ADARB1: variants seen among roughly 807,000 people sequenced by gnomAD.
ADARB1 encodes double-stranded RNA-specific editase 1.
Under a neutral mutation model 52.4 loss-of-function variants are expected in ADARB1, and 10 were observed. That is an observed-to-expected ratio of 0.19 (90% confidence interval 0.12 to 0.32). The LOEUF (loss-of-function observed/expected upper bound fraction) is 0.32, where lower values mean the gene tolerates loss of function less well. ADARB1 is among the 10% of genes least tolerant of loss of function. The pLI is 1.00. For synonymous variants in ADARB1, 349 were observed against 371.1 expected, an observed-to-expected ratio of 0.94 and a Z score of 0.68; for missense variants, 643 against 922.3, an observed-to-expected ratio of 0.70 and a Z score of 3.92.
chr21:45,217,521 T>C (rs929447300), intron 9 of ADARB1, among the ~76,000 whole-genome samples: 1 of 152,234 alleles, frequency 6.6e-6, no homozygotes, highest in Non-Finnish European at 1.5e-5. Context: ...GGTATTGTTT[T>C]CAGACACTTT....
In ADARB1 at chr21:45,210,321, C is replaced by T. The variant is rs17004753; in HGVS notation, c.1747+5585C>T. On this transcript the variant is annotated intron_variant, in intron 9 of 10. Transcript: ENST00000348831. ...TGGATGGACACTGTTGTTACGGACA[C>T]GGTGATAGGGGATCTGGCTGAAAGG... Among the ~76,000 whole-genome samples, 1,292 of 152,274 alleles carry T rather than the reference C, an allele frequency of 8.5e-3. 17 individuals carry two copies. The highest frequency in any genetic ancestry group is 0.029 in the African/African-American group (1,225 of 41,532).
At chr21:45,139,559 C>G (rs183096466) in intron 2 of ADARB1, among the ~76,000 whole-genome samples, 139 of 152,286 alleles carry the variant, frequency 9.1e-4, no homozygotes, top group Admixed American at 7.2e-4. Flanking sequence ...AGCGGTCGAG[C>G]AAGTGTCTCA....
At chr21:45,154,909 T>C (rs1488835002) in intron 2 of ADARB1, among the ~76,000 whole-genome samples, 1 of 152,198 alleles carries the variant, frequency 6.6e-6, no homozygotes, top group Non-Finnish European at 1.5e-5. Flanking sequence ...CAGCCAGTGC[T>C]CAGTGGCTGC....
intron 8 of ADARB1, among the ~76,000 whole-genome samples, chr21:45,202,219 CGTAGCA>C (rs1477239463): frequency 1.3e-5 from 2 of 152,058 alleles, no homozygotes; most frequent in Non-Finnish European, 2.9e-5. Flanking sequence ...TGACCCATGG[CGTAGCA>C]GTGGCAGTGG....
At chr21:45,179,388 G>A (rs1317910273) in intron 4 of ADARB1, among the ~76,000 whole-genome samples, 3 of 152,186 alleles carry the variant, frequency 2.0e-5, no homozygotes, top group Admixed American at 2.0e-4. Flanking sequence ...GGGGATGCTG[G>A]GTTTTCCTAG....
At chr21:45,082,421 T>C (rs1462837810) in intron 1 of ADARB1, among the ~76,000 whole-genome samples, 5 of 152,248 alleles carry the variant, frequency 3.3e-5, no homozygotes, top group African/African-American at 1.2e-4. Context: ...AGCCAGCGTC[T>C]GTCTGTACCT....
At chr21:45,103,941 G>C (rs1279098631) in intron 1 of ADARB1, among the ~76,000 whole-genome samples, 9 of 152,144 alleles carry the variant, frequency 5.9e-5, no homozygotes, top group African/African-American at 2.2e-4. Context: ...TCTTAACTCT[G>C]TCTGTTACCC....
chr21:45,185,655 A>G (rs1378081386), intron 8 of ADARB1, among the ~76,000 whole-genome samples: 1 of 152,222 alleles, frequency 6.6e-6, no homozygotes, highest in Non-Finnish European at 1.5e-5. Flanking sequence ...CATCTTTCAG[A>G]GGCCTGTATC....
At chr21:45,127,417 C>T (rs1341987412) in intron 1 of ADARB1, among the ~76,000 whole-genome samples, 1 of 152,114 alleles carries the variant, frequency 6.6e-6, no homozygotes, top group Non-Finnish European at 1.5e-5. Context: ...AGTGACAGCC[C>T]ATTTGACTTG....
intron 5 of ADARB1, 93 bp from the exon 6 acceptor site, chr21:45,182,492 A>G: frequency 2.9e-6 from 4 of 1,377,054 alleles, no homozygotes; most frequent in East Asian, 2.4e-5. Context: ...TGAAAAGTTA[A>G]GTCACTGAGA....
chr21:45,075,307 C>G (rs889668629), intron 1 of ADARB1, among the ~76,000 whole-genome samples: 7 of 150,272 alleles, frequency 4.7e-5, no homozygotes, highest in Non-Finnish European at 1.0e-4. Flanking sequence ...TGGGGAGACG[C>G]TCCGCCCGGC....
intron 2 of ADARB1, chr21:45,137,290 T>C (rs1375304781): frequency 6.6e-6 from 1 of 152,158 alleles, no homozygotes; most frequent in Non-Finnish European, 1.5e-5. Flanking sequence ...GATTCCCCTG[T>C]GTAAGGTGCT....
intron 1 of ADARB1, among the ~76,000 whole-genome samples, chr21:45,090,064 A>G (rs998317501): frequency 2.6e-5 from 4 of 152,188 alleles, no homozygotes; most frequent in Non-Finnish European, 4.4e-5. Context: ...TGTTTTGTAC[A>G]TACCCTTTAT....
chr21:45,203,635 T>C (rs554010657), intron 8 of ADARB1, among the ~76,000 whole-genome samples: 5 of 152,324 alleles, frequency 3.3e-5, no homozygotes, highest in East Asian at 3.9e-4. Context: ...TAAGTTGCCA[T>C]TGGCATGCAT....
intron 1 of ADARB1, among the ~76,000 whole-genome samples, chr21:45,109,176 CGT>C (rs2087399045): frequency 6.9e-6 from 1 of 144,098 alleles, no homozygotes; most frequent in Non-Finnish European, 1.5e-5. Context: ...TGTGTGCGCG[CGT>C]GTGCGTATAT....
At position 45,136,424 on chromosome 21, in the gene ADARB1, C is replaced by T. The variant is rs77772902; in HGVS notation, c.-48+7851C>T. 3.2e-3 allele frequency among the ~76,000 whole-genome samples: 492 copies of T among 152,350 alleles called. 4 individuals are homozygous for T. The highest frequency in any genetic ancestry group is 0.011 in the African/African-American group (469 of 41,572). ...GATACACCAGATTTAGGGAAAATAA[C>T]GTCAAGTGGTGCAGACAAGTGGAAC... On this transcript the variant is annotated intron_variant, in intron 2 of 10. Transcript: ENST00000348831.
At chr21:45,161,574 G>A (rs1003397325) in intron 2 of ADARB1, among the ~76,000 whole-genome samples, 6 of 152,254 alleles carry the variant, frequency 3.9e-5, no homozygotes, top group East Asian at 1.9e-4. Context: ...GAAGCACAGC[G>A]CAGGCCTTGC....
intron 1 of ADARB1, among the ~76,000 whole-genome samples, chr21:45,103,206 T>A (rs1601350649): frequency 6.6e-6 from 1 of 152,156 alleles, no homozygotes; most frequent in South Asian, 2.1e-4. Context: ...AAGTGTGGAT[T>A]TCAGTTAATA....
chr21:45,156,026 A>T (rs2090572801), intron 2 of ADARB1, among the ~76,000 whole-genome samples: 1 of 141,470 alleles, frequency 7.1e-6, no homozygotes. Context: ...ACCCACCATC[A>T]CCCATCATCC....
Sources: allele counts gnomAD v4.1 joint callset (sites outside exome capture counted in the v4.1 genomes callset), GRCh38; gene constraint gnomAD v4.1.1; transcripts MANE v1.5; gene names NCBI Gene and HGNC (gene_info 2026-07-23, HGNC 2026-07-21).